ADGRL2: variants seen among roughly 807,000 people sequenced by gnomAD.
ADGRL2 encodes the protein adhesion G protein-coupled receptor L2.
Under a neutral mutation model 157.4 loss-of-function variants are expected in ADGRL2, and 44 were observed. The observed-to-expected ratio is 0.28, with a 90% CI of 0.22 to 0.36. The LOEUF (loss-of-function observed/expected upper bound fraction) is 0.36, where lower values mean the gene tolerates loss of function less well. ADGRL2 is among the 10% of genes least tolerant of loss of function. The pLI is 1.00. For synonymous variants in ADGRL2, 585 were observed against 624.7 expected, an observed-to-expected ratio of 0.94 and a Z score of 0.95; for missense variants, 1,510 against 1,768.9, an observed-to-expected ratio of 0.85 and a Z score of 2.63.
chr1:81,532,972 C>CTATCT (rs200154872), intron 2 of ADGRL2, among the ~76,000 whole-genome samples: 4 of 137,498 alleles, frequency 2.9e-5, no homozygotes, highest in African/African-American at 1.1e-4. Flanking sequence ...ATCTATCTAT[C>CTATCT]ATCTATCTAT....
intron 2 of ADGRL2, among the ~76,000 whole-genome samples, chr1:81,770,137 G>A (rs1355287785): frequency 7.3e-6 from 1 of 137,116 alleles, no homozygotes; most frequent in Non-Finnish European, 1.5e-5. Context: ...TTACAGGCAT[G>A]AGCCACTGCA....
chr1:81,762,880 G>A (rs1378724514), intron 2 of ADGRL2, among the ~76,000 whole-genome samples: 14 of 151,468 alleles, frequency 9.2e-5, no homozygotes, highest in Non-Finnish European at 2.9e-5. Flanking sequence ...GTGAAACCCC[G>A]TCTCTACTAA....
chr1:81,468,076 T>C (rs2078097625), intron 2 of ADGRL2, among the ~76,000 whole-genome samples: 1 of 152,162 alleles, frequency 6.6e-6, no homozygotes, highest in Non-Finnish European at 1.5e-5. Flanking sequence ...TTAGATTTGG[T>C]TTTCTCGAAG....
At position 81,992,813 on chromosome 1, in the gene ADGRL2, A is replaced by G. The variant is rs1289563081; in HGVS notation, c.*1668A>G. ...AATATCCCTATAGACAGCTGTGAAT[A>G]CCAATATACATTACCCTGGAAAAGT... On this transcript the variant is annotated 3_prime_UTR_variant, in exon 24 of 24. Transcript: ENST00000686636. Among the ~76,000 whole-genome samples, 1 of 151,902 alleles carries G rather than the reference A, an allele frequency of 6.6e-6. No individual in the cohort carries two copies. The highest frequency in any genetic ancestry group is 1.5e-5 in the Non-Finnish European group (1 of 67,982).
chr1:81,759,246 T>C lies in ADGRL2; in HGVS notation c.-142-2565T>C, dbSNP rs77043151. On this transcript the variant is annotated intron_variant, in intron 1 of 20. Transcript: ENST00000359929. The stretch of plus-strand genomic sequence containing the variant: ...TTTTGGTTGCCTCTTAATGAAAATA[T>C]TACTAGACACTACTAAGTGGTGATT... 7.4e-3 allele frequency among the ~76,000 whole-genome samples: 1,128 copies of C among 152,234 alleles called. 17 individuals are homozygous for C. Among genetic ancestry groups the C allele is most frequent in the African/African-American group, 0.026 (1,092 of 41,554 alleles).
At position 81,991,213 on chromosome 1, in the gene ADGRL2, G is replaced by T; in HGVS notation, c.*68G>T. On this transcript the variant is annotated 3_prime_UTR_variant, in exon 24 of 24. Coordinates refer to ENST00000686636, the MANE Select transcript of ADGRL2 (RefSeq NM_001366006.2). Reference sequence around the variant, plus strand: ...TAAATAAAGACACCATTGGCCTGACGCAGCTCCCTCAAACTCTGCTTGAAG... The same window carrying T: ...TAAATAAAGACACCATTGGCCTGACTCAGCTCCCTCAAACTCTGCTTGAAG... The T allele has an allele frequency of 7.0e-7, 1 of 1,424,908 alleles. No homozygotes were observed. The highest frequency in any genetic ancestry group is 2.3e-5 in the East Asian group (1 of 43,538). 88.3% of individuals were successfully genotyped at this position (1,424,908 alleles called of 1,614,324 possible). A position where few individuals can be genotyped will look rare whatever the true frequency, so the allele number is the denominator to read the frequency against.
At chr1:81,352,725 T>A (rs1343048010) in intron 1 of ADGRL2, among the ~76,000 whole-genome samples, 3 of 152,142 alleles carry the variant, frequency 2.0e-5, no homozygotes, top group African/African-American at 4.8e-5. Flanking sequence ...TCACAGCCAT[T>A]CTTTTTAGTC....
chr1:81,726,665 G>A (rs1420679430), intron 1 of ADGRL2, among the ~76,000 whole-genome samples: 1 of 152,182 alleles, frequency 6.6e-6, no homozygotes, highest in East Asian at 1.9e-4. Context: ...AGGGGTAAAA[G>A]TAGCACATGT....
intron 3 of ADGRL2, among the ~76,000 whole-genome samples, chr1:81,660,581 T>C (rs566534474): frequency 1.5e-4 from 23 of 152,258 alleles, no homozygotes; most frequent in Admixed American, 3.9e-4. Flanking sequence ...AGGCATCCTA[T>C]GGTGAAAATT....
chr1:81,944,462 G>T lies in ADGRL2; in HGVS notation c.1210+693G>T, dbSNP rs369318764. Among the ~76,000 whole-genome samples, 353 of 151,894 alleles carry T rather than the reference G, an allele frequency of 2.3e-3. 2 individuals are homozygous for T. Among genetic ancestry groups the T allele is most frequent in the African/African-American group, 7.6e-3 (317 of 41,450 alleles). ...CTTTAGAAAGTAATGCTAAATTTTT[G>T]GAAATATACTTTGGTTTATTAAGTG... On this transcript the variant is annotated intron_variant, in intron 6 of 23. Transcript: ENST00000686636.
At chr1:81,712,755 A>ATTTTTTTTTTTTTTTTTTT (rs60265943) in intron 1 of ADGRL2, among the ~76,000 whole-genome samples, 2 of 100,250 alleles carry the variant, frequency 2.0e-5, no homozygotes, top group Non-Finnish European at 3.8e-5. Context: ...TGGATCGCGG[A>ATTTTTTTTTTTTTTTTTTT]TTTTTTTTTT....
At chr1:81,463,401 A>G (rs893610538) in intron 2 of ADGRL2, among the ~76,000 whole-genome samples, 1 of 152,250 alleles carries the variant, frequency 6.6e-6, no homozygotes, top group South Asian at 2.1e-4. Flanking sequence ...GCTCTTGGTA[A>G]ATATAAATCC....
At chr1:81,498,546 G>A (rs955542487) in intron 2 of ADGRL2, among the ~76,000 whole-genome samples, 3 of 152,146 alleles carry the variant, frequency 2.0e-5, no homozygotes, top group African/African-American at 7.2e-5. Flanking sequence ...AATAAGCAAA[G>A]AGCCGGAACA....
intron 3 of ADGRL2, among the ~76,000 whole-genome samples, chr1:81,609,565 C>A (rs2081499869): frequency 6.6e-6 from 1 of 152,164 alleles, no homozygotes; most frequent in Non-Finnish European, 1.5e-5. Context: ...TACTAGCTCA[C>A]AAGCATGAGA....
intron 2 of ADGRL2, among the ~76,000 whole-genome samples, chr1:81,511,125 A>G (rs1384804432): frequency 6.6e-6 from 1 of 152,156 alleles, no homozygotes; most frequent in Non-Finnish European, 1.5e-5. Context: ...CATTATATCT[A>G]TAACAATATG....
chr1:81,371,884 G>A (rs1218896457), intron 1 of ADGRL2, among the ~76,000 whole-genome samples: 1 of 152,048 alleles, frequency 6.6e-6, no homozygotes, highest in African/African-American at 2.4e-5. Context: ...AGAAAATCTA[G>A]CATGCTTAAA....
At chr1:81,517,773 T>C (rs895304803) in intron 2 of ADGRL2, among the ~76,000 whole-genome samples, 1 of 152,240 alleles carries the variant, frequency 6.6e-6, no homozygotes, top group Non-Finnish European at 1.5e-5. Context: ...CTGCCAAAGA[T>C]GACTTTTTCC....
At chr1:81,931,148 CA>C (rs1317709314) in intron 3 of ADGRL2, among the ~76,000 whole-genome samples, 1 of 151,860 alleles carries the variant, frequency 6.6e-6, no homozygotes, top group Non-Finnish European at 1.5e-5. Context: ...GGCTTTGTCT[CA>C]AAAAAACCAA....
chr1:81,880,143 G>A (rs2093949688), intron 2 of ADGRL2, among the ~76,000 whole-genome samples: 8 of 152,158 alleles, frequency 5.3e-5, no homozygotes, highest in Admixed American at 4.6e-4. Flanking sequence ...TGTCTAAAGC[G>A]ATGTCCTACT....
Sources: gnomAD v4.1 joint callset for allele counts (sites outside exome capture counted in the v4.1 genomes callset) on GRCh38, gnomAD v4.1.1 for gene constraint, MANE v1.5 for transcripts, NCBI Gene and HGNC (gene_info 2026-07-23, HGNC 2026-07-21) for gene names.